Variants in TRIM7 observed in about 807,000 individuals in gnomAD.
TRIM7 encodes the protein E3 ubiquitin-protein ligase TRIM7.
Under a neutral mutation model 37.9 loss-of-function variants are expected in TRIM7, and 32 were observed. The observed-to-expected ratio is 0.84, with a 90% confidence interval of 0.64 to 1.13. The LOEUF is 1.13. TRIM7 is among the 50% of genes most tolerant of loss of function. TRIM7 has a pLI of 0.00. For synonymous variants in TRIM7, 351 were observed against 321.3 expected, an observed-to-expected ratio of 1.09 and a Z score of -0.99; for missense variants, 732 against 714.0, an observed-to-expected ratio of 1.03 and a Z score of -0.29.
In TRIM7 at chr5:181,195,439, C is replaced by A; in HGVS notation, c.1263G>T (p.Lys421Asn). 1 of 1,608,194 alleles carries A rather than the reference C, an allele frequency of 6.2e-7. No individual in the cohort carries two copies. The highest frequency in any genetic ancestry group is 1.7e-5 in the Admixed American group (1 of 59,302). The part of the protein sequence containing the change: ...FGVARESVRR[K>N]GLTPFTPEEG... The stretch of plus-strand genomic sequence containing the variant: ...CCTCGGGAGTGAAGGGCGTCAGGCC[C>A]TTTCGGCGCACGCTCTCGCGGGCCA... Residue 421 changes from lysine to asparagine, a missense_variant, in exon 7 of 7, where the codon AAG becomes AAT. Coordinates refer to ENST00000274773, the MANE Select transcript of TRIM7 (RefSeq NM_203293.3).
Position 181,195,583 on chromosome 5 carries a change from C to T in TRIM7, c.1119G>A (p.Leu373=). 6.2e-7 allele frequency: 1 copy of T among 1,605,216 alleles called. No individual in the cohort carries two copies. The highest frequency in any genetic ancestry group is 8.5e-7 in the Non-Finnish European group (1 of 1,174,170). ...TGTCGAAGCGGCAGGGGTGGTTGGG[C>T]AGGTCCTGGGCCCGCTCGCCGAGGC... ...GVRLGERAQD[L]PNHPCRFDTN... The change falls in exon 7 of 7, where the codon CTG becomes CTA. Residue 373 remains leucine, a synonymous_variant. Transcript: ENST00000274773.
chr5:181,200,450 G>T, intron 2 of TRIM7: 1 of 1,205,440 alleles, frequency 8.3e-7, no homozygotes, highest in East Asian at 3.9e-5. Context: ...ATTAAACTGA[G>T]ATTGCTTTTT....
At chr5:181,200,285 C>T (rs904189012) in intron 2 of TRIM7, 1 of 1,443,802 alleles carries the variant, frequency 6.9e-7, no homozygotes, top group Non-Finnish European at 9.1e-7. Context: ...GCTCTTTTCT[C>T]CCCTGCCACA....
chr5:181,204,070 C>A lies in TRIM7; in HGVS notation c.523-430G>T, dbSNP rs959077781. On this transcript the variant is annotated intron_variant, in intron 1 of 6. Coordinates refer to ENST00000274773, the MANE Select transcript of TRIM7 (RefSeq NM_203293.3). Reference sequence around the variant, plus strand: ...ATAGCAAAGAAAGGGCCCCCAGAATCGACAGCGTTGGCACAGTCAGACGGC... The same window carrying A: ...ATAGCAAAGAAAGGGCCCCCAGAATAGACAGCGTTGGCACAGTCAGACGGC... The A allele has an allele frequency of 3.0e-6, 3 of 1,000,042 alleles. No individual in the cohort carries two copies. In the Admixed American group the frequency reaches 1.7e-4, roughly 56 times the overall value. The allele number at this position is 1,000,042 out of a possible 1,614,324, so 61.9% of individuals were successfully genotyped here.
intron 2 of TRIM7, chr5:181,202,756 G>C (rs957877954): frequency 6.6e-6 from 1 of 151,392 alleles, no homozygotes; most frequent in African/African-American, 2.4e-5. Flanking sequence ...GTAGAGACAG[G>C]GGTTTCACCG....
At chr5:181,200,642 C>T in intron 2 of TRIM7, 1 of 1,001,652 alleles carries the variant, frequency 1.0e-6, no homozygotes, top group Non-Finnish European at 1.2e-6. Context: ...GGTAGCAGCA[C>T]ACCCCCAAGG....
chr5:181,198,123 A>G (rs535747193), intron 6 of TRIM7, 60 bp downstream of exon 6: 50 of 1,594,830 alleles, frequency 3.1e-5, no homozygotes, highest in Admixed American at 5.0e-5. Context: ...GGTCACGAGC[A>G]GGGAGTAGGA....
chr5:181,205,058 G>T lies in TRIM7; in HGVS notation c.53C>A (p.Ala18Glu). 3 of 1,388,560 alleles carry T rather than the reference G, an allele frequency of 2.2e-6. No individual in the cohort carries two copies. The highest frequency in any genetic ancestry group is 2.8e-6 in the Non-Finnish European group (3 of 1,076,260). The allele number at this position is 1,388,560 out of a possible 1,614,324, so 86.0% of individuals were successfully genotyped here. A position where few individuals can be genotyped will look rare whatever the true frequency, so the allele number is the denominator to read the frequency against. Residue 18 changes from alanine to glutamate, a missense_variant, in exon 1 of 7, where the codon GCG (alanine) becomes GAG (glutamate). Physicochemically the swap from Ala to Glu is moderately radical, Grantham distance 107 (BLOSUM62 -1). Transcript: ENST00000274773. ...CTCGCCCTGCAGCTCTGCCGCCAGC[G>T]CTAGAGCCTCGGCGCCGGTTCCGGG... is the stretch of plus-strand genomic sequence containing the variant. ...TGPGTGAEAL[A>E]LAAELQGEAT...
intron 3 of TRIM7, chr5:181,199,547 A>G: frequency 2.1e-6 from 1 of 478,730 alleles, no homozygotes; most frequent in South Asian, 2.9e-5. Context: ...CTTTTTTTTT[A>G]GCGAAATAGA....
At position 181,195,582 on chromosome 5, in the gene TRIM7, G is replaced by A; in HGVS notation, c.1120C>T (p.Pro374Ser). 1 of 1,605,552 alleles carries A rather than the reference G, an allele frequency of 6.2e-7. No homozygotes were observed. The highest frequency in any genetic ancestry group is 8.5e-7 in the Non-Finnish European group (1 of 1,174,350). ...GTGTCGAAGCGGCAGGGGTGGTTGGGCAGGTCCTGGGCCCGCTCGCCGAGG... is the reference window on the plus strand; with the variant it reads ...GTGTCGAAGCGGCAGGGGTGGTTGGACAGGTCCTGGGCCCGCTCGCCGAGG... Reference protein sequence around the residue: ...VRLGERAQDLPNHPCRFDTNT... With the variant: ...VRLGERAQDLSNHPCRFDTNT... The change falls in exon 7 of 7, where the codon CCC becomes TCC. Residue 374 changes from proline (P) to serine (S), a missense_variant. Physicochemically the swap from Pro to Ser is moderately conservative, Grantham distance 74 (BLOSUM62 -1). Transcript: ENST00000274773.
intron 5 of TRIM7, among the ~76,000 whole-genome samples, chr5:181,198,445 C>T (rs1211198636): frequency 6.6e-6 from 1 of 152,184 alleles, no homozygotes; most frequent in African/African-American, 2.4e-5. Flanking sequence ...CCCTGCACAG[C>T]TCTCTTCCTA....
rs551119310 is a variant in TRIM7 at position 181,204,783 on chromosome 5, C to A, written c.328G>T (p.Ala110Ser). Residue 110 changes from alanine (A) to serine (S), a missense_variant, in exon 1 of 7, where the codon GCG becomes TCG. Physicochemically the swap from Ala to Ser is moderately conservative, Grantham distance 99. Transcript: ENST00000274773. ...ATLLRRFSLP[A>S]AAPGEHGSQA... is the part of the protein sequence containing the mutation. ...GACCCGTGCTCTCCCGGGGCAGCCGCGGGCAGGCTGAAGCGCCGCAGGAGC... is the reference window on the plus strand; with the variant it reads ...GACCCGTGCTCTCCCGGGGCAGCCGAGGGCAGGCTGAAGCGCCGCAGGAGC... 1,827 of 1,428,766 alleles carry A rather than the reference C, an allele frequency of 1.3e-3. 4 individuals carry two copies. The highest frequency in any genetic ancestry group is 1.5e-3 in the Non-Finnish European group (1,641 of 1,100,512). 88.5% of individuals were successfully genotyped at this position (1,428,766 alleles called of 1,614,324 possible). A position where few individuals can be genotyped will look rare whatever the true frequency, so the allele number is the denominator to read the frequency against.
intron 2 of TRIM7, chr5:181,200,987 G>A: frequency 1.1e-6 from 1 of 903,770 alleles, no homozygotes; most frequent in Middle Eastern, 5.7e-4. Context: ...AGCCCAGTGG[G>A]GAGGGTGCAC....
chr5:181,195,399 G>C lies in TRIM7; in HGVS notation c.1303C>G (p.Leu435Val), dbSNP rs752111156. The part of the protein sequence containing the change: ...PFTPEEGVWA[L>V]QLNGGQYWAV... ...CAGTACTGGCCGCCGTTGAGCTGCA[G>C]GGCCCAGACGCCCTCCTCGGGAGTG... Residue 435 changes from leucine (L) to valine (V), a missense_variant, in exon 7 of 7, where the codon CTG becomes GTG. Physicochemically the swap from Leu to Val is conservative, Grantham distance 32. Transcript: ENST00000274773. The C allele has an allele frequency of 4.6e-5, 73 of 1,589,408 alleles. No homozygotes were observed. The highest frequency in any genetic ancestry group is 6.1e-5 in the Non-Finnish European group (71 of 1,167,956).
intron 1 of TRIM7, chr5:181,204,264 C>T: frequency 9.4e-7 from 1 of 1,064,200 alleles, no homozygotes; most frequent in Non-Finnish European, 1.1e-6. Flanking sequence ...GGGCAGAGAG[C>T]TGCGGAGACG....
chr5:181,199,078 G>C lies in TRIM7; in HGVS notation c.872+17C>G. Reference sequence around the variant, plus strand: ...GAAGCAACTTAGAGAGGCCCCAGGAGCTGTGAGGTCACTCACCTGCTCAGC... The same window carrying C: ...GAAGCAACTTAGAGAGGCCCCAGGACCTGTGAGGTCACTCACCTGCTCAGC... On this transcript the variant is annotated intron_variant, in intron 4 of 6. Coordinates refer to ENST00000274773, the MANE Select transcript of TRIM7 (RefSeq NM_203293.3). 1.9e-6 allele frequency: 3 copies of C among 1,614,158 alleles called. No homozygotes were observed. The highest frequency in any genetic ancestry group is 2.5e-6 in the Non-Finnish European group (3 of 1,179,968).
At chr5:181,195,807 C>T in intron 6 of TRIM7, 130 bp from the exon 7 acceptor site, 1 of 1,222,098 alleles carries the variant, frequency 8.2e-7, no homozygotes, top group Non-Finnish European at 1.1e-6. Flanking sequence ...CACCCAGCGC[C>T]AAGGCCCAAC....
rs745457733 is a variant in TRIM7 at position 181,199,935 on chromosome 5, C to A, written c.765G>T (p.Gln255His). 1 of 1,614,266 alleles carries A rather than the reference C, an allele frequency of 6.2e-7. No individual in the cohort carries two copies. Among genetic ancestry groups the A allele is most frequent in the South Asian group, 1.1e-5 (1 of 91,088 alleles). The change falls in exon 3 of 7, where the codon CAG becomes CAT. Residue 255 changes from glutamine to histidine, a missense_variant. Coordinates refer to ENST00000274773, the MANE Select transcript of TRIM7 (RefSeq NM_203293.3). ...ACAGCTGGGTGATCTCAACCCCGAG[C>A]TGGGCCAGGTTCTCATTCTGCTTCT... ...VAQKQNENLA[Q>H]LGVEITQLSK...
intron 2 of TRIM7, chr5:181,203,255 C>T: frequency 8.0e-7 from 1 of 1,244,246 alleles, no homozygotes. Flanking sequence ...CAGGCCCTAA[C>T]TGGTATGTTA....
Sources: gnomAD v4.1 joint callset for allele counts (sites outside exome capture counted in the v4.1 genomes callset) on GRCh38, gnomAD v4.1.1 for gene constraint, MANE v1.5 for transcripts, NCBI Gene and HGNC (gene_info 2026-07-23, HGNC 2026-07-21) for gene names.